NKAIN3: variants seen among roughly 807,000 people sequenced by gnomAD.
The protein encoded by NKAIN3 is sodium/potassium transporting ATPase interacting 3.
In NKAIN3, 25 loss-of-function variants were observed where a neutral mutation model predicts 30.2. The observed-to-expected ratio is 0.83, with a 90% confidence interval of 0.60 to 1.16. The LOEUF (loss-of-function observed/expected upper bound fraction) is 1.16, where lower values mean the gene tolerates loss of function less well. Ranked by LOEUF, NKAIN3 falls within the 50% of genes most tolerant of loss-of-function variation. The probability of loss-of-function intolerance (pLI) is 0.00; values close to 1 mark genes in which losing one functional copy is unlikely to be tolerated. For missense variants in NKAIN3, 225 were observed against 254.1 expected, an observed-to-expected ratio of 0.89 and a Z score of 0.78; for synonymous variants, 91 against 89.6, an observed-to-expected ratio of 1.02 and a Z score of -0.09.
intron 3 of NKAIN3, among the ~76,000 whole-genome samples, chr8:62,738,722 A>G (rs562355228): frequency 6.6e-6 from 1 of 151,940 alleles, no homozygotes; most frequent in South Asian, 2.1e-4. Flanking sequence ...GATAATGGAT[A>G]TTTGCCCTTT....
intron 1 of NKAIN3, among the ~76,000 whole-genome samples, chr8:62,541,914 T>G (rs1413330602): frequency 6.6e-6 from 1 of 152,180 alleles, no homozygotes; most frequent in Non-Finnish European, 1.5e-5. Context: ...TATGTTAAAG[T>G]TGTGTTTTGA....
rs1325321524 is a variant in NKAIN3 at position 62,968,667 on chromosome 8, A to C, written c.*3260A>C. ...ACTGGAATGGTGAACATTTAAAGCC[A>C]GTGTTTTTCCTCTTGGAGCCACCTT... On this transcript the variant is annotated 3_prime_UTR_variant, in exon 7 of 7. Coordinates refer to ENST00000623646, the MANE Select transcript of NKAIN3 (RefSeq NM_001304533.3). Among the ~76,000 whole-genome samples the C allele has an allele frequency of 6.6e-6, 1 of 152,178 alleles. No individual in the cohort carries two copies. The highest frequency in any genetic ancestry group is 2.4e-5 in the African/African-American group (1 of 41,452).
intron 1 of NKAIN3, among the ~76,000 whole-genome samples, chr8:62,313,403 G>GT (rs1278882083): frequency 2.0e-5 from 3 of 151,922 alleles, no homozygotes; most frequent in Non-Finnish European, 4.4e-5. Context: ...TTAGAATTCT[G>GT]TTTTTTCTTC....
At chr8:62,290,735 A>C (rs1025798874) in intron 1 of NKAIN3, among the ~76,000 whole-genome samples, 1 of 152,208 alleles carries the variant, frequency 6.6e-6, no homozygotes, top group Non-Finnish European at 1.5e-5. Flanking sequence ...CTTTGGTATC[A>C]GGATGATATT....
At chr8:62,616,465 C>A (rs898203595) in intron 3 of NKAIN3, among the ~76,000 whole-genome samples, 1 of 152,106 alleles carries the variant, frequency 6.6e-6, no homozygotes, top group Admixed American at 6.5e-5. Flanking sequence ...AGCAGCCAAA[C>A]GGAAGAAAGC....
At position 62,565,365 on chromosome 8, in the gene NKAIN3, C is replaced by CAT. The variant is rs1554548241; in HGVS notation, c.55-14174_55-14173insAT. On this transcript the variant is annotated intron_variant, in intron 1 of 6. Coordinates refer to ENST00000623646, the MANE Select transcript of NKAIN3 (RefSeq NM_001304533.3). ...ATGTATACATGGGCATACGTGTGTG[C>CAT]GTGTGTGTGTGTGTGTGTGACAGAG... Among the ~76,000 whole-genome samples the CAT allele has an allele frequency of 6.7e-5, 10 of 149,746 alleles. No homozygotes were observed. The East Asian group carries it at 1.8e-3, about 26-fold the overall frequency.
At chr8:62,839,212 C>T (rs565024356) in intron 4 of NKAIN3, among the ~76,000 whole-genome samples, 54 of 126,912 alleles carry the variant, frequency 4.3e-4, no homozygotes, top group African/African-American at 1.2e-3. Context: ...TCTTTATTTA[C>T]GCACGCTTAA....
intron 1 of NKAIN3, among the ~76,000 whole-genome samples, chr8:62,491,605 G>C (rs573233754): frequency 9.2e-5 from 14 of 152,266 alleles, no homozygotes; most frequent in African/African-American, 3.4e-4. Context: ...ACTGTAGCCT[G>C]AATAAAATTT....
chr8:62,288,237 T>C (rs1813445648), intron 1 of NKAIN3, among the ~76,000 whole-genome samples: 1 of 151,094 alleles, frequency 6.6e-6, no homozygotes, highest in Non-Finnish European at 1.5e-5. Context: ...GCTAGTTCCT[T>C]TCTTTTTATC....
intron 4 of NKAIN3, among the ~76,000 whole-genome samples, chr8:62,822,196 T>C (rs182948211): frequency 7.2e-5 from 11 of 152,328 alleles, no homozygotes; most frequent in African/African-American, 2.6e-4. Context: ...GTTCTATTGC[T>C]GATTTTATCT....
At chr8:62,943,460 C>A (rs376947410) in intron 5 of NKAIN3, among the ~76,000 whole-genome samples, 1 of 152,026 alleles carries the variant, frequency 6.6e-6, no homozygotes, top group Non-Finnish European at 1.5e-5. Context: ...ACTAGTACAA[C>A]CACTACGGAA....
intron 3 of NKAIN3, among the ~76,000 whole-genome samples, chr8:62,729,806 A>G (rs1245256273): frequency 1.3e-5 from 2 of 152,224 alleles, no homozygotes; most frequent in Non-Finnish European, 2.9e-5. Context: ...TTTTTGATAG[A>G]CATTTAGATG....
chr8:62,659,921 T>A (rs1290571638), intron 3 of NKAIN3, among the ~76,000 whole-genome samples: 1 of 152,188 alleles, frequency 6.6e-6, no homozygotes, highest in African/African-American at 2.4e-5. Context: ...AGACATGACT[T>A]GCTCCTCCTT....
At chr8:62,499,893 A>G (rs1381314348) in intron 1 of NKAIN3, among the ~76,000 whole-genome samples, 2 of 151,554 alleles carry the variant, frequency 1.3e-5, no homozygotes, top group Admixed American at 1.3e-4. Context: ...TTGTCACAAC[A>G]ACAATTTTTT....
chr8:62,674,659 G>C (rs746968650), intron 3 of NKAIN3, among the ~76,000 whole-genome samples: 2 of 152,198 alleles, frequency 1.3e-5, no homozygotes, highest in Non-Finnish European at 2.9e-5. Flanking sequence ...TGGAGGGGTA[G>C]ATTTTGATTG....
intron 5 of NKAIN3, among the ~76,000 whole-genome samples, chr8:62,932,355 A>G (rs1353326921): frequency 3.3e-5 from 5 of 152,220 alleles, no homozygotes; most frequent in Admixed American, 2.0e-4. Flanking sequence ...TAATTACAGA[A>G]GAGTGAAATG....
intron 1 of NKAIN3, among the ~76,000 whole-genome samples, chr8:62,445,275 T>G (rs1423908028): frequency 6.6e-6 from 1 of 151,656 alleles, no homozygotes; most frequent in East Asian, 1.9e-4. Flanking sequence ...GTGAATGATT[T>G]TGAGTCTTTT....
intron 3 of NKAIN3, among the ~76,000 whole-genome samples, chr8:62,730,483 C>G (rs1316776371): frequency 6.6e-6 from 1 of 151,860 alleles, no homozygotes; most frequent in Non-Finnish European, 1.5e-5. Context: ...ATATTAAATG[C>G]TATATATTTT....
intron 1 of NKAIN3, among the ~76,000 whole-genome samples, chr8:62,528,740 C>T (rs981680164): frequency 1.3e-5 from 2 of 151,942 alleles, no homozygotes; most frequent in Admixed American, 1.3e-4. Flanking sequence ...CTTATTGGGC[C>T]AATATATTCC....
Sources: allele counts gnomAD v4.1 joint callset (sites outside exome capture counted in the v4.1 genomes callset), GRCh38; gene constraint gnomAD v4.1.1; transcripts MANE v1.5; gene names NCBI Gene and HGNC (gene_info 2026-07-23, HGNC 2026-07-21).